TSN: variants seen among roughly 807,000 people sequenced by gnomAD.
The protein encoded by TSN is translin, also known as component 3 of promoter of RISC.
A neutral mutation model predicts 29.4 loss-of-function variants in TSN; 5 were observed. The ratio of observed to expected loss-of-function variants is 0.17; its 90% CI spans 0.09 to 0.36. TSN has a LOEUF of 0.36. Ranked by LOEUF, TSN falls within the 10% of genes least tolerant of loss-of-function variation. TSN has a pLI of 1.00. For synonymous variants in TSN, 106 were observed against 102.2 expected, an observed-to-expected ratio of 1.04 and a Z score of -0.23; for missense variants, 159 against 272.8, an observed-to-expected ratio of 0.58 and a Z score of 2.94.
intron 5 of TSN, 120 bp downstream of exon 5, chr2:121,763,204 G>A (rs993821820): frequency 4.1e-5 from 26 of 640,042 alleles, no homozygotes; most frequent in African/African-American, 4.0e-4. Flanking sequence ...GTGCAGTGGC[G>A]CAATCTCGGC....
At chr2:121,764,975 T>C (rs2074883243) in intron 5 of TSN, among the ~76,000 whole-genome samples, 159 bp from the exon 6 acceptor site, 1 of 152,344 alleles carries the variant, frequency 6.6e-6, no homozygotes, top group Non-Finnish European at 1.5e-5. Flanking sequence ...GGGATTCTTT[T>C]CAGAGAAGCT....
In TSN at chr2:121,766,773, C is replaced by G. The variant is rs1408585649; in HGVS notation, c.*1406C>G. On this transcript the variant is annotated 3_prime_UTR_variant, in exon 6 of 6. Coordinates refer to ENST00000389682, the MANE Select transcript of TSN (RefSeq NM_004622.3). ...AAAGTGTCACCTTTTCTTGCCTGAT[C>G]AACAATTTGGGCTTCCTGTTTGTAC... 2.0e-5 allele frequency: 3 copies of G among 152,174 alleles called. No individual in the cohort carries two copies. The highest frequency in any genetic ancestry group is 4.4e-5 in the Non-Finnish European group (3 of 68,030). 9.4% of individuals were successfully genotyped at this position (152,174 alleles called of 1,614,324 possible). A position where few individuals can be genotyped will look rare whatever the true frequency, so the allele number is the denominator to read the frequency against.
At chr2:121,760,214 A>T (rs1198787875) in intron 3 of TSN, among the ~76,000 whole-genome samples, 1 of 152,176 alleles carries the variant, frequency 6.6e-6, no homozygotes, top group Non-Finnish European at 1.5e-5. Flanking sequence ...TGCGAACCCT[A>T]TTGTGGACTG....
chr2:121,763,138 T>A, intron 5 of TSN, 54 bp downstream of exon 5: 3 of 282,422 alleles, frequency 1.1e-5, no homozygotes, highest in Non-Finnish European at 1.6e-5. Context: ...TCACTGTCAG[T>A]TTTTTTTTTT....
At chr2:121,756,483 T>C in intron 1 of TSN, 1 of 367,752 alleles carries the variant, frequency 2.7e-6, no homozygotes, top group South Asian at 2.2e-5. Flanking sequence ...ATGTGTGTAA[T>C]ATTGATTATT....
intron 4 of TSN, among the ~76,000 whole-genome samples, chr2:121,762,022 T>C (rs1267794766): frequency 1.3e-5 from 2 of 151,046 alleles, no homozygotes; most frequent in Non-Finnish European, 3.0e-5. Context: ...AATGGAGTTT[T>C]GCTCTTGTTG....
Position 121,755,741 on chromosome 2 carries a change from G to A in TSN, c.-39G>A. 6.2e-7 allele frequency: 1 copy of A among 1,610,772 alleles called. No individual in the cohort carries two copies. Among genetic ancestry groups the A allele is most frequent in the Non-Finnish European group, 8.5e-7 (1 of 1,179,552 alleles). ...GCCTGCGGCGTCCACTTCCTTGGCCGCCCTTGCTACACTGGCTGATTGTTG... is the reference window on the plus strand; with the variant it reads ...GCCTGCGGCGTCCACTTCCTTGGCCACCCTTGCTACACTGGCTGATTGTTG... On this transcript the variant is annotated 5_prime_UTR_variant, in exon 1 of 6. Transcript: ENST00000389682.
chr2:121,757,093 T>A, intron 1 of TSN, 147 bp from the exon 2 acceptor site: 1 of 714,562 alleles, frequency 1.4e-6, no homozygotes, highest in Non-Finnish European at 2.2e-6. Context: ...TTTTAGTGAC[T>A]TTTTGAAGTC....
chr2:121,758,471 C>T (rs1207047699), intron 2 of TSN, among the ~76,000 whole-genome samples: 1 of 152,168 alleles, frequency 6.6e-6, no homozygotes, highest in Non-Finnish European at 1.5e-5. Context: ...ACAACCAAAC[C>T]AATTACCAGT....
At chr2:121,763,971 G>C (rs1288750437) in intron 5 of TSN, among the ~76,000 whole-genome samples, 1 of 152,172 alleles carries the variant, frequency 6.6e-6, no homozygotes, top group Non-Finnish European at 1.5e-5. Flanking sequence ...TCTAGCTTCA[G>C]CTTCTTTCTT....
At position 121,755,824 on chromosome 2, in the gene TSN, T is replaced by G; in HGVS notation, c.45T>G (p.Ala15=). Residue 15 remains alanine (A), a synonymous_variant, in exon 1 of 6, where the codon GCT becomes GCG. Coordinates refer to ENST00000389682, the MANE Select transcript of TSN (RefSeq NM_004622.3). ...EIFVELQGFL[A]AEQDIREEIR... is the part of the protein sequence containing the mutation. The stretch of plus-strand genomic sequence containing the variant: ...TCGTGGAGCTGCAGGGCTTTTTGGC[T>G]GCCGAGCAGGACATCCGAGAGGCGA... 6.2e-7 allele frequency: 1 copy of G among 1,614,140 alleles called. No homozygotes were observed. Among genetic ancestry groups the G allele is most frequent in the Non-Finnish European group, 8.5e-7 (1 of 1,180,034 alleles).
At chr2:121,755,932 G>A (rs1490805357) in intron 1 of TSN, 87 bp downstream of exon 1, 2 of 1,593,926 alleles carry the variant, frequency 1.3e-6, no homozygotes, top group African/African-American at 2.7e-5. Context: ...CTCAGTCTCG[G>A]GCGGTGGGGA....
Position 121,759,618 on chromosome 2 carries a change from A to C in TSN, c.257+812A>C, listed in dbSNP as rs2074794824. 2.6e-5 allele frequency among the ~76,000 whole-genome samples: 4 copies of C among 152,208 alleles called. No individual in the cohort carries two copies. In the South Asian group the frequency reaches 8.3e-4, roughly 32 times the overall value. On this transcript the variant is annotated intron_variant, in intron 3 of 5. Transcript: ENST00000389682. ...GTGAGACTCCATCTAAAAAAAAAAAACAACTTGTGAAACATGGATTGTGAA... is the reference window on the plus strand; with the variant it reads ...GTGAGACTCCATCTAAAAAAAAAAACCAACTTGTGAAACATGGATTGTGAA...
Position 121,761,395 on chromosome 2 carries a change from T to A in TSN, c.258-14T>A, listed in dbSNP as rs185890357. 2.5e-6 allele frequency: 4 copies of A among 1,607,116 alleles called. No homozygotes were observed. The East Asian group carries it at 8.9e-5, about 36-fold the overall frequency. On this transcript the variant is annotated splice_polypyrimidine_tract_variant and intron_variant, in intron 3 of 5. Transcript: ENST00000389682. ...CCCTAACCTTGGAGGCTAAATGTGC[T>A]TATTTTCATGCAGATTTCATGAGCA...
rs184427803 is a variant in TSN at position 121,760,895 on chromosome 2, G to C, written c.258-514G>C. On this transcript the variant is annotated intron_variant, in intron 3 of 5. Transcript: ENST00000389682. ...TCTTTTTTTTTTTTTTTTTGAGACG[G>C]AGTGTCGCTCTGTCGTTCAGGGTGG... 5.1e-3 allele frequency among the ~76,000 whole-genome samples: 757 copies of C among 147,666 alleles called. 6 individuals are homozygous for C. The highest frequency in any genetic ancestry group is 0.018 in the African/African-American group (726 of 39,286).
At chr2:121,756,627 G>A in intron 1 of TSN, 1 of 1,297,986 alleles carries the variant, frequency 7.7e-7, no homozygotes, top group Non-Finnish European at 1.0e-6. Flanking sequence ...ATTAGAGGCG[G>A]GGAGCGGCGC....
In TSN at chr2:121,761,641, T is replaced by G. The variant is rs936784023; in HGVS notation, c.373+117T>G. The G allele has an allele frequency of 6.6e-6, 5 of 760,232 alleles. No individual in the cohort carries two copies. In the African/African-American group the frequency reaches 7.0e-5, roughly 11 times the overall value. 47.1% of individuals were successfully genotyped at this position (760,232 alleles called of 1,614,324 possible). A position where few individuals can be genotyped will look rare whatever the true frequency, so the allele number is the denominator to read the frequency against. ...ACAAGAATTAACTAAAAACCACTTA[T>G]AGTTGTAGCTTGGTATCTGAGGATG... is the stretch of plus-strand genomic sequence containing the variant. On this transcript the variant is annotated intron_variant, in intron 4 of 5. Transcript: ENST00000389682.
Position 121,761,498 on chromosome 2 carries a change from G to A in TSN, c.347G>A (p.Arg116Gln). The A allele has an allele frequency of 6.2e-7, 1 of 1,614,076 alleles. No homozygotes were observed. Among genetic ancestry groups the A allele is most frequent in the Non-Finnish European group, 8.5e-7 (1 of 1,179,934 alleles). Residue 116 changes from arginine to glutamine, a missense_variant, in exon 4 of 6, where the codon CGA (arginine) becomes CAA (glutamine). By Grantham distance (43) the Arg-to-Gln change is conservative. This residue lies in a region of TSN where 85 missense variants were observed against 178.1 expected (regional missense o/e 0.48). Transcript: ENST00000389682. ...VYLETETLVTREAVTEILGIE... is the reference protein window; with the variant it reads ...VYLETETLVTQEAVTEILGIE... ...TTGGAAACAGAAACACTAGTGACTC[G>A]AGAAGCAGTTACAGAAATTCTTGGC... is the stretch of plus-strand genomic sequence containing the variant.
At chr2:121,758,872 C>G in intron 3 of TSN, 66 bp downstream of exon 3, 1 of 1,082,208 alleles carries the variant, frequency 9.2e-7, no homozygotes, top group Non-Finnish European at 1.3e-6. Flanking sequence ...TTATGTGTAC[C>G]AAATGATTGC....
Sources: allele counts gnomAD v4.1 joint callset (sites outside exome capture counted in the v4.1 genomes callset), GRCh38; gene constraint gnomAD v4.1.1; regional missense constraint gnomAD v4.1.1; transcripts MANE v1.5; gene names NCBI Gene and HGNC (gene_info 2026-07-23, HGNC 2026-07-21).